The following PLD1 variants were observed in gnomAD, a reference collection of about 807,000 sequenced individuals.
PLD1 encodes the protein choline phosphatase 1.
A neutral mutation model predicts 137.1 loss-of-function variants in PLD1; 112 were observed. The observed-to-expected ratio is 0.82, with a 90% confidence interval of 0.70 to 0.96. PLD1 has a LOEUF of 0.96. Ranked by LOEUF, PLD1 falls within the 40% of genes least tolerant of loss-of-function variation. PLD1 has a pLI of 0.00. For synonymous variants in PLD1, 431 were observed against 454.7 expected, an observed-to-expected ratio of 0.95 and a Z score of 0.66; for missense variants, 1,321 against 1,342.0, an observed-to-expected ratio of 0.98 and a Z score of 0.24.
In PLD1 at chr3:171,645,001, A is replaced by G. The variant is rs774873976; in HGVS notation, c.2452T>C (p.Tyr818His). 2.2e-5 allele frequency: 36 copies of G among 1,613,058 alleles called. No homozygotes were observed. The Admixed American group carries it at 5.8e-4, about 26-fold the overall frequency. Residue 818 changes from tyrosine (Y) to histidine (H), a missense_variant, in exon 22 of 27, where the codon TAT becomes CAT. Physicochemically the swap from Tyr to His is moderately conservative, Grantham distance 83 (BLOSUM62 2). Coordinates refer to ENST00000351298, the MANE Select transcript of PLD1 (RefSeq NM_002662.5). ...CCTGGCAGAAGTGGTATCACGACAT[A>G]TACCCGGTATTTCTGGTTTTCCCTG... ...AHRENQKYRVYVVIPLLPGFE... is the reference protein window; with the variant it reads ...AHRENQKYRVHVVIPLLPGFE...
intron 23 of PLD1, among the ~76,000 whole-genome samples, chr3:171,625,166 C>T (rs1295456882): frequency 1.3e-5 from 2 of 152,162 alleles, no homozygotes; most frequent in African/African-American, 4.8e-5. Context: ...TGCGCTTTTC[C>T]AACAGGCTTA....
rs149341157 is a variant in PLD1 at position 171,669,555 on chromosome 3, T to C, written c.2229+4945A>G. Reference sequence around the variant, plus strand: ...TAGCTGTGATTACAGGCATGCGCCATAACGCCCAGCTAATTTTTGTATTTT... The same window carrying C: ...TAGCTGTGATTACAGGCATGCGCCACAACGCCCAGCTAATTTTTGTATTTT... On this transcript the variant is annotated intron_variant, in intron 19 of 26. Transcript: ENST00000351298. Among the ~76,000 whole-genome samples, 722 of 152,300 alleles carry C rather than the reference T, an allele frequency of 4.7e-3. 4 individuals are homozygous for C. The highest frequency in any genetic ancestry group is 0.017 in the African/African-American group (698 of 41,570).
At chr3:171,645,293 G>A (rs1326015899) in intron 21 of PLD1, among the ~76,000 whole-genome samples, 2 of 152,180 alleles carry the variant, frequency 1.3e-5, no homozygotes, top group East Asian at 3.9e-4. Context: ...ATAATCGCTT[G>A]TAGGACAAAA....
At chr3:171,695,203 T>C (rs892303350) in intron 12 of PLD1, among the ~76,000 whole-genome samples, 20 of 152,214 alleles carry the variant, frequency 1.3e-4, no homozygotes, top group East Asian at 3.8e-4. Context: ...GTGGGAAATA[T>C]TTCTGCAAAA....
chr3:171,790,052 C>T (rs1560304669), intron 1 of PLD1: 2 of 152,354 alleles, frequency 1.3e-5, no homozygotes, highest in East Asian at 1.9e-4. Flanking sequence ...TACTAATCTA[C>T]TGCTGCTGTG....
chr3:171,759,898 C>G (rs1295922671), intron 1 of PLD1, among the ~76,000 whole-genome samples: 2 of 152,206 alleles, frequency 1.3e-5, no homozygotes, highest in Non-Finnish European at 2.9e-5. Flanking sequence ...AACAGTCTTA[C>G]TGTCCTTTCG....
rs1734872348 is a variant in PLD1 at position 171,633,689 on chromosome 3, C to T, written c.2593+9151G>A. ...AGACTCAATATTTATAAGGAAATTT[C>T]GTGAAAGGACATCAAGAATTGTTAC... is the stretch of plus-strand genomic sequence containing the variant. On this transcript the variant is annotated intron_variant, in intron 23 of 26. Transcript: ENST00000351298. 3.3e-5 allele frequency among the ~76,000 whole-genome samples: 5 copies of T among 152,240 alleles called. 1 individual carries two copies. Among genetic ancestry groups the T allele is most frequent in the South Asian group, 4.2e-4 (2 of 4,816 alleles).
At chr3:171,657,712 C>A (rs752711384) in intron 21 of PLD1, among the ~76,000 whole-genome samples, 1 of 152,090 alleles carries the variant, frequency 6.6e-6, no homozygotes, top group Admixed American at 6.5e-5. Context: ...AGGCATAAAT[C>A]TTCATGATCC....
chr3:171,755,247 T>C (rs1720939285), intron 1 of PLD1, among the ~76,000 whole-genome samples: 3 of 152,084 alleles, frequency 2.0e-5, no homozygotes, highest in Non-Finnish European at 4.4e-5. Flanking sequence ...AAGAAAGTTG[T>C]CTACTTCCTC....
At chr3:171,650,452 G>C (rs938555721) in intron 21 of PLD1, among the ~76,000 whole-genome samples, 1 of 152,216 alleles carries the variant, frequency 6.6e-6, no homozygotes, top group Non-Finnish European at 1.5e-5. Flanking sequence ...TGCCAGAACA[G>C]GCCGGAGGGA....
intron 23 of PLD1, among the ~76,000 whole-genome samples, chr3:171,623,216 G>A (rs980848442): frequency 4.6e-5 from 7 of 151,926 alleles, no homozygotes; most frequent in African/African-American, 1.7e-4. Flanking sequence ...AGTTCTCATG[G>A]AGTTAGATAA....
At chr3:171,724,320 C>CG (rs1718346538) in intron 8 of PLD1, among the ~76,000 whole-genome samples, 3 of 152,138 alleles carry the variant, frequency 2.0e-5, no homozygotes, top group Admixed American at 6.5e-5. Flanking sequence ...TGTTATTGTC[C>CG]ATCTCTTTGA....
At chr3:171,653,697 T>A (rs1469923694) in intron 21 of PLD1, 1 of 150,784 alleles carries the variant, frequency 6.6e-6, no homozygotes, top group Admixed American at 6.6e-5. Context: ...TGCCTCTTTA[T>A]CCTTGCTTCA....
chr3:171,790,006 T>G (rs985441956), intron 1 of PLD1: 1 of 152,274 alleles, frequency 6.6e-6, no homozygotes, highest in Non-Finnish European at 1.5e-5. Flanking sequence ...GCAGCATGCA[T>G]GTACACACAT....
intron 21 of PLD1, among the ~76,000 whole-genome samples, chr3:171,657,785 C>T (rs1013882404): frequency 2.0e-5 from 3 of 151,206 alleles, no homozygotes; most frequent in Non-Finnish European, 2.9e-5. Context: ...AAAGGACAAG[C>T]GATACAAGGA....
chr3:171,692,953 A>G (rs566599921), intron 12 of PLD1, among the ~76,000 whole-genome samples: 7 of 152,360 alleles, frequency 4.6e-5, no homozygotes, highest in South Asian at 2.1e-4. Context: ...TCTCCCTTCC[A>G]TTCTTACAAC....
At chr3:171,694,032 A>G (rs1715455253) in intron 12 of PLD1, among the ~76,000 whole-genome samples, 1 of 152,190 alleles carries the variant, frequency 6.6e-6, no homozygotes, top group Non-Finnish European at 1.5e-5. Context: ...TTTCTGTAAT[A>G]TTGTTCTGCC....
Position 171,735,583 on chromosome 3 carries a change from G to T in PLD1, c.343C>A (p.Gln115Lys), listed in dbSNP as rs2108262362. The T allele has an allele frequency of 1.3e-6, 2 of 1,581,062 alleles. No homozygotes were observed. The highest frequency in any genetic ancestry group is 1.7e-6 in the Non-Finnish European group (2 of 1,150,018). The change falls in exon 4 of 27, where the codon CAA (glutamine) becomes AAA (lysine). Residue 115 changes from glutamine to lysine, a missense_variant. Coordinates refer to ENST00000351298, the MANE Select transcript of PLD1 (RefSeq NM_002662.5). Reference sequence around the variant, plus strand: ...AAATGCTTGAATTTCCTCTTAACTTGCCATTTAAATTCCCCATGTGTTAAT... The same window carrying T: ...AAATGCTTGAATTTCCTCTTAACTTTCCATTTAAATTCCCCATGTGTTAAT... Reference protein sequence around the residue: ...IELTHGEFKWQVKRKFKHFQE... With the variant: ...IELTHGEFKWKVKRKFKHFQE...
intron 16 of PLD1, among the ~76,000 whole-genome samples, chr3:171,681,845 A>ATAT (rs1713998310): frequency 1.3e-5 from 2 of 152,214 alleles, no homozygotes; most frequent in South Asian, 4.1e-4. Context: ...AAACAGCTTA[A>ATAT]TATTATCCCT....
Sources: gnomAD v4.1 joint callset for allele counts (sites outside exome capture counted in the v4.1 genomes callset) on GRCh38, gnomAD v4.1.1 for gene constraint, MANE v1.5 for transcripts, NCBI Gene and HGNC (gene_info 2026-07-23, HGNC 2026-07-21) for gene names.